CACNA2D3: variants seen among roughly 807,000 people sequenced by gnomAD.
CACNA2D3 encodes calcium voltage-gated channel auxiliary subunit alpha2delta 3, also known as voltage-dependent calcium channel subunit alpha-2/delta-3.
A neutral mutation model predicts 160.6 loss-of-function variants in CACNA2D3; 60 were observed. That is an observed-to-expected ratio of 0.37 (90% CI 0.30 to 0.46). The LOEUF (loss-of-function observed/expected upper bound fraction) is 0.46. Among genes scored for constraint, CACNA2D3 ranks in the 20% least tolerant of loss-of-function variants. CACNA2D3 has a pLI of 1.00. For missense variants in CACNA2D3, 1,205 were observed against 1,365.0 expected (o/e 0.88, Z 1.85); for synonymous variants, 558 against 492.9 (o/e 1.13, Z -1.75).
chr3:54,795,199 T>G (rs762600029), intron 13 of CACNA2D3, among the ~76,000 whole-genome samples: 2 of 152,184 alleles, frequency 1.3e-5, no homozygotes, highest in Non-Finnish European at 2.9e-5. Context: ...TTTAAAAAAT[T>G]TTAAGTATTG....
intron 35 of CACNA2D3, among the ~76,000 whole-genome samples, chr3:55,062,457 CA>C (rs910041462): frequency 6.6e-6 from 1 of 150,826 alleles, no homozygotes; most frequent in South Asian, 2.1e-4. Flanking sequence ...GTGTAGAAAA[CA>C]AAAAAAAGGA....
chr3:54,873,260 T>G (rs2106824705), intron 18 of CACNA2D3, among the ~76,000 whole-genome samples: 1 of 152,266 alleles, frequency 6.6e-6, no homozygotes, highest in South Asian at 2.1e-4. Context: ...AGTATTATTC[T>G]GACCTCCTCA....
chr3:54,192,482 T>G (rs941612474), intron 2 of CACNA2D3, among the ~76,000 whole-genome samples: 1 of 152,118 alleles, frequency 6.6e-6, no homozygotes, highest in South Asian at 2.1e-4. Flanking sequence ...ACCCTTGGGT[T>G]ATTGAAAACC....
At chr3:54,695,177 G>A (rs1030149734) in intron 11 of CACNA2D3, among the ~76,000 whole-genome samples, 7 of 151,752 alleles carry the variant, frequency 4.6e-5, no homozygotes, top group South Asian at 2.1e-4. Flanking sequence ...ACCACCATGC[G>A]CAGCTAATTT....
intron 2 of CACNA2D3, among the ~76,000 whole-genome samples, chr3:54,129,555 G>A (rs1699664375): frequency 6.6e-6 from 1 of 152,200 alleles, no homozygotes; most frequent in Non-Finnish European, 1.5e-5. Flanking sequence ...TATTGGAAAG[G>A]AAAGCATTAT....
At chr3:54,606,031 A>G (rs1263259484) in intron 9 of CACNA2D3, among the ~76,000 whole-genome samples, 1 of 152,156 alleles carries the variant, frequency 6.6e-6, no homozygotes, top group Non-Finnish European at 1.5e-5. Context: ...TAGATTAACT[A>G]TTCTTCCTTT....
At chr3:54,257,565 T>G (rs1702321620) in intron 2 of CACNA2D3, among the ~76,000 whole-genome samples, 1 of 152,176 alleles carries the variant, frequency 6.6e-6, no homozygotes. Context: ...TTTTTGTAGG[T>G]CTTGTCATGT....
At chr3:54,997,778 G>A (rs538746344) in intron 31 of CACNA2D3, among the ~76,000 whole-genome samples, 89 of 152,232 alleles carry the variant, frequency 5.8e-4, no homozygotes, top group African/African-American at 1.9e-3. Flanking sequence ...TGATTCCAAA[G>A]GGCAGCCAAC....
chr3:54,984,220 A>C (rs1184438752), intron 29 of CACNA2D3, among the ~76,000 whole-genome samples: 9 of 152,270 alleles, frequency 5.9e-5, no homozygotes, highest in Non-Finnish European at 1.2e-4. Flanking sequence ...TTTGCTTTCA[A>C]AACAGCCTGC....
intron 2 of CACNA2D3, among the ~76,000 whole-genome samples, chr3:54,292,221 A>C (rs912999517): frequency 2.0e-5 from 3 of 152,218 alleles, no homozygotes; most frequent in African/African-American, 7.2e-5. Context: ...AAAACTGTAA[A>C]GCTCTTAGAA....
chr3:54,218,027 G>A (rs958844042), intron 2 of CACNA2D3, among the ~76,000 whole-genome samples: 31 of 152,002 alleles, frequency 2.0e-4, no homozygotes, highest in Admixed American at 5.2e-4. Flanking sequence ...GAGAGAGAGA[G>A]GTGTGTTAGA....
intron 27 of CACNA2D3, among the ~76,000 whole-genome samples, chr3:54,940,133 G>C (rs1047134960): frequency 9.9e-5 from 15 of 152,276 alleles, no homozygotes; most frequent in African/African-American, 3.6e-4. Flanking sequence ...TTGGTGTCTA[G>C]TCTCAGGCCA....
At chr3:55,038,903 TATATAC>T (rs1343540898) in intron 35 of CACNA2D3, among the ~76,000 whole-genome samples, 3 of 84,678 alleles carry the variant, frequency 3.5e-5, no homozygotes, top group South Asian at 3.9e-4. Context: ...TATATATATA[TATATAC>T]ACACACTGAA....
rs879643649 is a variant in CACNA2D3, at chr3:54,703,292, G to T, written c.1168-49307G>T. 3.3e-5 allele frequency among the ~76,000 whole-genome samples: 5 copies of T among 152,154 alleles called. 1 individual carries two copies. Among genetic ancestry groups the T allele is most frequent in the Non-Finnish European group, 7.4e-5 (5 of 68,024 alleles). ...ATAAAAGTTTTAGGTTGGACAAGGTGCCACAGAGTTTATTTGTATTAACCT... is the reference window on the plus strand; with the variant it reads ...ATAAAAGTTTTAGGTTGGACAAGGTTCCACAGAGTTTATTTGTATTAACCT... On this transcript the variant is annotated intron_variant, in intron 11 of 37. Coordinates refer to ENST00000474759, the MANE Select transcript of CACNA2D3 (RefSeq NM_018398.3).
intron 2 of CACNA2D3, among the ~76,000 whole-genome samples, chr3:54,261,930 C>A (rs1702408153): frequency 6.6e-6 from 1 of 152,196 alleles, no homozygotes; most frequent in Admixed American, 6.5e-5. Context: ...CCCCATGGTG[C>A]CTGACTATGT....
chr3:54,925,908 TCTG>T (rs1377979468), intron 27 of CACNA2D3, among the ~76,000 whole-genome samples: 2 of 152,236 alleles, frequency 1.3e-5, no homozygotes, highest in Non-Finnish European at 2.9e-5. Context: ...AAGGATAGTG[TCTG>T]CTGCTTTTTT....
intron 25 of CACNA2D3, chr3:54,894,753 T>A (rs905894766): frequency 9.1e-6 from 4 of 440,462 alleles, no homozygotes; most frequent in Admixed American, 7.5e-5. Flanking sequence ...AAGAATTTCA[T>A]GTCTAGCGAA....
At chr3:54,461,109 C>T (rs1025038590) in intron 4 of CACNA2D3, among the ~76,000 whole-genome samples, 2 of 152,116 alleles carry the variant, frequency 1.3e-5, no homozygotes, top group Admixed American at 6.5e-5. Flanking sequence ...ACCAGCCTTG[C>T]ATCCCAGGGA....
intron 35 of CACNA2D3, among the ~76,000 whole-genome samples, chr3:55,033,668 A>ATT (rs1703727664): frequency 7.8e-6 from 1 of 127,436 alleles, no homozygotes; most frequent in Non-Finnish European, 1.6e-5. Context: ...ATAGATATAT[A>ATT]AAATATAAAT....
Sources: gnomAD v4.1 joint callset for allele counts (sites outside exome capture counted in the v4.1 genomes callset) on GRCh38, gnomAD v4.1.1 for gene constraint, MANE v1.5 for transcripts, NCBI Gene and HGNC (gene_info 2026-07-23, HGNC 2026-07-21) for gene names.